CDYL: variants seen among roughly 807,000 people sequenced by gnomAD.
CDYL encodes the protein chromodomain Y like, also known as chromodomain Y-like protein.
Under a neutral mutation model 47.3 loss-of-function variants are expected in CDYL, and 8 were observed. The observed-to-expected ratio is 0.17, with a 90% CI of 0.10 to 0.31. The LOEUF (loss-of-function observed/expected upper bound fraction) is 0.31, where lower values mean the gene tolerates loss of function less well. Ranked by LOEUF, CDYL falls within the 10% of genes least tolerant of loss-of-function variation. The probability of loss-of-function intolerance (pLI) is 1.00; values close to 1 mark genes in which losing one functional copy is unlikely to be tolerated. For synonymous variants in CDYL, 266 were observed against 265.0 expected, an observed-to-expected ratio of 1.00 and a Z score of -0.04; for missense variants, 471 against 701.4, an observed-to-expected ratio of 0.67 and a Z score of 3.71.
chr6:4,737,974 A>G (rs1053214105), intron 3 of CDYL, among the ~76,000 whole-genome samples: 1 of 152,268 alleles, frequency 6.6e-6, no homozygotes, highest in Non-Finnish European at 1.5e-5. Context: ...TGCAACACGA[A>G]AAACAAAGCA....
chr6:4,887,792 T>A (rs1268636356), intron 1 of CDYL, among the ~76,000 whole-genome samples: 1 of 152,148 alleles, frequency 6.6e-6, no homozygotes, highest in Non-Finnish European at 1.5e-5. Flanking sequence ...TTTTAGTCTT[T>A]CAGTATTCTG....
rs555487938 is a variant in CDYL at position 4,735,867 on chromosome 6, C to T, written c.186+1023C>T. Among the ~76,000 whole-genome samples, 7 of 151,712 alleles carry T rather than the reference C, an allele frequency of 4.6e-5. No individual in the cohort carries two copies. The East Asian group carries it at 9.7e-4, about 21-fold the overall frequency. On this transcript the variant is annotated intron_variant, in intron 3 of 8. Transcript: ENST00000328908. ...ACATATCCATCATCTCCAAAAGGTT[C>T]CCCCGCCCTCTGTATTTATGTGCAT...
At chr6:4,926,221 A>G (rs1757869693) in intron 2 of CDYL, among the ~76,000 whole-genome samples, 1 of 152,258 alleles carries the variant, frequency 6.6e-6, no homozygotes, top group Non-Finnish European at 1.5e-5. Context: ...TTCCATGTTC[A>G]TATGAAACAT....
At chr6:4,722,193 C>T (rs1269707891) in intron 2 of CDYL, among the ~76,000 whole-genome samples, 1 of 152,130 alleles carries the variant, frequency 6.6e-6, no homozygotes. Flanking sequence ...AGGCCAGGCA[C>T]AGTAGCTTAT....
At chr6:4,918,187 C>A (rs1291454442) in intron 2 of CDYL, among the ~76,000 whole-genome samples, 2 of 152,184 alleles carry the variant, frequency 1.3e-5, no homozygotes, top group African/African-American at 4.8e-5. Flanking sequence ...AAAGTAGAAT[C>A]ATTTCTGCAG....
chr6:4,806,020 G>A (rs1257155050), intron 1 of CDYL, among the ~76,000 whole-genome samples: 1 of 152,268 alleles, frequency 6.6e-6, no homozygotes, highest in African/African-American at 2.4e-5. Flanking sequence ...GCATGAGGAA[G>A]GAGCTGAGAG....
At chr6:4,753,897 C>T (rs1303755439) in intron 3 of CDYL, among the ~76,000 whole-genome samples, 1 of 152,176 alleles carries the variant, frequency 6.6e-6, no homozygotes, top group East Asian at 1.9e-4. Flanking sequence ...AAATGGATTC[C>T]ATTGCTCTGT....
chr6:4,761,397 G>A (rs1027582009), intron 3 of CDYL, among the ~76,000 whole-genome samples: 1 of 152,182 alleles, frequency 6.6e-6, no homozygotes, highest in Non-Finnish European at 1.5e-5. Flanking sequence ...AGGCTGGAGT[G>A]CAATGGCACA....
chr6:4,708,301 C>G (rs941804431), intron 1 of CDYL, among the ~76,000 whole-genome samples: 2 of 152,048 alleles, frequency 1.3e-5, no homozygotes, highest in Non-Finnish European at 2.9e-5. Context: ...GTACCTGGGA[C>G]TACAGGTCCG....
chr6:4,846,907 A>G (rs1487558763), intron 1 of CDYL, among the ~76,000 whole-genome samples: 2 of 152,178 alleles, frequency 1.3e-5, no homozygotes, highest in African/African-American at 2.4e-5. Context: ...TGTAATTTGG[A>G]TAGTTCTACT....
upstream of CDYL, chr6:4,772,888 T>C (rs1177267895): frequency 2.9e-6 from 1 of 340,320 alleles, no homozygotes; most frequent in Non-Finnish European, 5.7e-6. Context: ...GCTTCTTTTG[T>C]TTTTTTCTGT....
At chr6:4,946,644 A>C (rs576097047) in intron 5 of CDYL, among the ~76,000 whole-genome samples, 4 of 152,246 alleles carry the variant, frequency 2.6e-5, no homozygotes, top group African/African-American at 9.6e-5. Flanking sequence ...CCAGCTGTGC[A>C]TCTGCCGCGG....
intron 3 of CDYL, among the ~76,000 whole-genome samples, chr6:4,752,179 T>C (rs1758004942): frequency 6.6e-6 from 1 of 152,070 alleles, no homozygotes; most frequent in African/African-American, 2.4e-5. Flanking sequence ...GGGTGGGTGC[T>C]CCTGAGAATT....
chr6:4,735,068 G>A (rs2127415148), intron 3 of CDYL, among the ~76,000 whole-genome samples: 1 of 152,058 alleles, frequency 6.6e-6, no homozygotes, highest in East Asian at 1.9e-4. Flanking sequence ...AGGCGGATCA[G>A]CTGAGGTCGG....
intron 1 of CDYL, among the ~76,000 whole-genome samples, chr6:4,877,462 G>T (rs748742898): frequency 2.6e-5 from 4 of 152,078 alleles, no homozygotes; most frequent in Non-Finnish European, 5.9e-5. Flanking sequence ...CATCGCTTTA[G>T]CTTTTATACT....
chr6:4,843,211 T>TA (rs1760554042), intron 1 of CDYL, among the ~76,000 whole-genome samples: 1 of 152,228 alleles, frequency 6.6e-6, no homozygotes, highest in South Asian at 2.1e-4. Flanking sequence ...TTTTCCTTTA[T>TA]AGGTTACCTG....
chr6:4,716,175 G>A (rs1757257234), intron 2 of CDYL, among the ~76,000 whole-genome samples: 1 of 151,644 alleles, frequency 6.6e-6, no homozygotes, highest in Admixed American at 6.6e-5. Context: ...GTGAACCCGG[G>A]AGGCGGAGCT....
At chr6:4,898,680 C>CGCA (rs1479101060) in intron 2 of CDYL, among the ~76,000 whole-genome samples, 2 of 152,150 alleles carry the variant, frequency 1.3e-5, no homozygotes, top group Admixed American at 1.3e-4. Context: ...GTCCGCAAAC[C>CGCA]TGCGTGTGCT....
upstream of CDYL, among the ~76,000 whole-genome samples, chr6:4,775,898 A>G (rs1758425899): frequency 6.7e-6 from 1 of 149,992 alleles, no homozygotes; most frequent in South Asian, 2.1e-4. This position sits in a 1 kb window ranked among gnomAD's most constrained non-coding sequence, Gnocchi z 7.0. Context: ...GGCGCGCGGT[A>G]GACGGCGCGG....
Sources: gnomAD v4.1 joint callset for allele counts (sites outside exome capture counted in the v4.1 genomes callset) on GRCh38, gnomAD v4.1.1 for gene constraint, Gnocchi (gnomAD v3.1) non-coding constraint, MANE v1.5 for transcripts, NCBI Gene and HGNC (gene_info 2026-07-23, HGNC 2026-07-21) for gene names.